AGBL4: variants seen among roughly 807,000 people sequenced by gnomAD.
AGBL4 encodes the protein AGBL carboxypeptidase 4.
In AGBL4, 58 loss-of-function variants were observed where a neutral mutation model predicts 66.4. The observed-to-expected ratio is 0.87, with a 90% CI of 0.71 to 1.09. The LOEUF is 1.09. Ranked by LOEUF, AGBL4 falls within the 50% of genes least tolerant of loss-of-function variation. The pLI is 0.00. For missense variants in AGBL4, 579 were observed against 631.0 expected (o/e 0.92, Z 0.88); for synonymous variants, 234 against 222.9 (o/e 1.05, Z -0.44).
chr1:49,062,408 T>C (rs1190406411), intron 4 of AGBL4, among the ~76,000 whole-genome samples: 2 of 152,198 alleles, frequency 1.3e-5, no homozygotes, highest in Non-Finnish European at 2.9e-5. Context: ...TTGCTCTTCT[T>C]TGTTCCATTA....
At chr1:49,938,549 G>A (rs1181188549) in intron 1 of AGBL4, among the ~76,000 whole-genome samples, 1 of 152,086 alleles carries the variant, frequency 6.6e-6, no homozygotes, top group Non-Finnish European at 1.5e-5. Flanking sequence ...CCAAAAAAGA[G>A]AATTTTAAAC....
At chr1:49,768,239 T>C (rs1643948094) in intron 2 of AGBL4, among the ~76,000 whole-genome samples, 1 of 151,942 alleles carries the variant, frequency 6.6e-6, no homozygotes, top group African/African-American at 2.4e-5. Flanking sequence ...AAACTGCAGG[T>C]TAATATGCAT....
At chr1:49,072,144 C>T (rs1644618593) in intron 4 of AGBL4, among the ~76,000 whole-genome samples, 1 of 152,118 alleles carries the variant, frequency 6.6e-6, no homozygotes, top group Non-Finnish European at 1.5e-5. Context: ...TGTCTTTGCA[C>T]ATAAGATGGG....
intron 2 of AGBL4, among the ~76,000 whole-genome samples, chr1:49,788,750 AG>A (rs1391907992): frequency 2.5e-4 from 38 of 152,258 alleles, no homozygotes; most frequent in Non-Finnish European, 1.0e-4. Context: ...AAGTTAACAA[AG>A]CTTCGTGGAC....
chr1:49,830,605 A>C (rs1435635980), intron 2 of AGBL4, among the ~76,000 whole-genome samples: 2 of 152,070 alleles, frequency 1.3e-5, no homozygotes, highest in African/African-American at 4.8e-5. Flanking sequence ...GAAGCTCTTT[A>C]GTTTAATTAG....
intron 9 of AGBL4, among the ~76,000 whole-genome samples, chr1:48,613,587 T>C (rs527556695): frequency 6.6e-6 from 1 of 152,332 alleles, no homozygotes; most frequent in East Asian, 1.9e-4. Flanking sequence ...GCTAACGGAA[T>C]GTGAGCAGTC....
chr1:49,382,376 T>C (rs1644636857), intron 3 of AGBL4, among the ~76,000 whole-genome samples: 2 of 151,978 alleles, frequency 1.3e-5, no homozygotes, highest in Non-Finnish European at 2.9e-5. Context: ...ATCAGTATAA[T>C]ACACCATATT....
At chr1:49,239,076 C>A (rs1377427463) in intron 4 of AGBL4, among the ~76,000 whole-genome samples, 1 of 151,982 alleles carries the variant, frequency 6.6e-6, no homozygotes, top group Non-Finnish European at 1.5e-5. Flanking sequence ...TTTACCTTTT[C>A]TTTTTAATGC....
chr1:49,560,441 CAAAA>C (rs769013748), intron 3 of AGBL4, among the ~76,000 whole-genome samples: 1 of 151,586 alleles, frequency 6.6e-6, no homozygotes. Context: ...TAAAAAAAGA[CAAAA>C]AACAATGAAG....
intron 3 of AGBL4, among the ~76,000 whole-genome samples, chr1:49,442,240 G>C (rs1646051238): frequency 6.6e-6 from 1 of 152,128 alleles, no homozygotes; most frequent in South Asian, 2.1e-4. Context: ...CTGCCTCATG[G>C]TTTAATGAGA....
chr1:49,395,776 CATGTGTATATATGTATATATAT>C, intron 3 of AGBL4, among the ~76,000 whole-genome samples: 1 of 130,330 alleles, frequency 7.7e-6, no homozygotes. Flanking sequence ...CATATATATA[CATGTGTATATATGTATATATAT>C]ACATATATAT....
intron 4 of AGBL4, among the ~76,000 whole-genome samples, chr1:49,208,946 G>C (rs984163610): frequency 6.6e-6 from 1 of 151,992 alleles, no homozygotes; most frequent in African/African-American, 2.4e-5. Flanking sequence ...AAGAAAACCA[G>C]ATGAAGAGAA....
At chr1:49,618,640 C>T (rs1225740212) in intron 3 of AGBL4, among the ~76,000 whole-genome samples, 1 of 152,022 alleles carries the variant, frequency 6.6e-6, no homozygotes, top group East Asian at 1.9e-4. Context: ...ATCCTGATAC[C>T]AAAAGCTGGC....
chr1:49,965,645 A>G (rs1165214237), intron 1 of AGBL4, among the ~76,000 whole-genome samples: 3 of 152,192 alleles, frequency 2.0e-5, no homozygotes, highest in Admixed American at 6.5e-5. Flanking sequence ...AAAGATTAAT[A>G]TAAACAGCAA....
chr1:49,412,860 G>A (rs1415192359), intron 3 of AGBL4, among the ~76,000 whole-genome samples: 2 of 152,284 alleles, frequency 1.3e-5, no homozygotes, highest in Admixed American at 6.5e-5. Flanking sequence ...GAATGGGAGA[G>A]AGTAGATGTA....
intron 1 of AGBL4, among the ~76,000 whole-genome samples, chr1:49,979,409 C>G (rs1306429105): frequency 2.7e-5 from 4 of 150,192 alleles, no homozygotes; most frequent in African/African-American, 9.8e-5. Context: ...TGCAGTGAGC[C>G]GAGATTGCGC....
At chr1:50,016,457 G>A (rs1661992966) in intron 1 of AGBL4, among the ~76,000 whole-genome samples, 1 of 152,148 alleles carries the variant, frequency 6.6e-6, no homozygotes, top group African/African-American at 2.4e-5. Flanking sequence ...AGCTACTCAG[G>A]AGGCTGAGGC....
At chr1:48,591,098 C>CCCAAA in intron 9 of AGBL4, 113 bp from the exon 10 acceptor site, 2 of 661,978 alleles carry the variant, frequency 3.0e-6, no homozygotes, top group Non-Finnish European at 4.7e-6. Flanking sequence ...CCACCCCCCC[C>CCCAAA]CACACACACA....
intron 6 of AGBL4, among the ~76,000 whole-genome samples, chr1:48,693,998 C>A (rs1478100170): frequency 6.8e-6 from 1 of 147,762 alleles, no homozygotes; most frequent in Non-Finnish European, 1.5e-5. Context: ...GCCCTTCTTA[C>A]GTTCCGCCTT....
Sources: allele counts gnomAD v4.1 joint callset (sites outside exome capture counted in the v4.1 genomes callset), GRCh38; gene constraint gnomAD v4.1.1; transcripts MANE v1.5; gene names NCBI Gene and HGNC (gene_info 2026-07-23, HGNC 2026-07-21).